The following HSD3B1 variants were observed in gnomAD, a reference collection of about 807,000 sequenced individuals.
The protein encoded by HSD3B1 is 3 beta-hydroxysteroid dehydrogenase/Delta 5-->4-isomerase type 1.
HSD3B1 carries 11 observed loss-of-function variants against 10.4 expected under a neutral mutation model. The ratio of observed to expected loss-of-function variants is 1.05; its 90% CI spans 0.66 to 1.75. HSD3B1 has a LOEUF of 1.75. HSD3B1 is among the 40% of genes most tolerant of loss of function. The pLI, the probability that HSD3B1 is intolerant of heterozygous loss-of-function variation, is 0.00. For synonymous variants in HSD3B1, 217 were observed against 185.4 expected, an observed-to-expected ratio of 1.17 and a Z score of -1.39; for missense variants, 490 against 454.5, an observed-to-expected ratio of 1.08 and a Z score of -0.71.
chr1:119,511,384 C>A (rs988963940), intron 2 of HSD3B1, 119 bp from the exon 3 acceptor site: 8 of 894,356 alleles, frequency 8.9e-6, no homozygotes, highest in Non-Finnish European at 1.4e-5. Context: ...GAATGTACAC[C>A]CTCCACTCTA....
At position 119,514,451 on chromosome 1, in the gene HSD3B1, A is replaced by C. The variant is rs746158285; in HGVS notation, c.928A>C (p.Thr310Pro). The C allele has an allele frequency of 1.2e-6, 2 of 1,613,924 alleles. No individual in the cohort carries two copies. Among genetic ancestry groups the C allele is most frequent in the South Asian group, 2.2e-5 (2 of 91,068 alleles). Residue 310 changes from threonine (T) to proline (P), a missense_variant, in exon 4 of 4, where the codon ACC becomes CCC. Physicochemically the swap from Thr to Pro is conservative, Grantham distance 38. Coordinates refer to ENST00000369413, the MANE Select transcript of HSD3B1 (RefSeq NM_000862.3). ...IVSFLLRPIY[T>P]YRPPFNRHIV... The stretch of plus-strand genomic sequence containing the variant: ...GAGCTTCCTACTCAGGCCAATTTAC[A>C]CCTATCGACCGCCCTTCAACCGCCA...
In HSD3B1 at chr1:119,514,304, C is replaced by A. The variant is rs1202798915; in HGVS notation, c.781C>A (p.Pro261Thr). The A allele has an allele frequency of 6.2e-7, 1 of 1,613,984 alleles. No individual in the cohort carries two copies. The highest frequency in any genetic ancestry group is 1.7e-5 in the Admixed American group (1 of 60,002). Residue 261 changes from proline (P) to threonine (T), a missense_variant, in exon 4 of 4, where the codon CCT becomes ACT. Physicochemically the swap from Pro to Thr is conservative, Grantham distance 38 (BLOSUM62 -1). Coordinates refer to ENST00000369413, the MANE Select transcript of HSD3B1 (RefSeq NM_000862.3). ...GTTCTACTATATCTCAGATGACACG[C>A]CTCACCAAAGCTATGATAACCTTAA... is the stretch of plus-strand genomic sequence containing the variant. ...GQFYYISDDT[P>T]HQSYDNLNYT...
chr1:119,514,945 C>T lies in HSD3B1; in HGVS notation c.*300C>T. The stretch of plus-strand genomic sequence containing the variant: ...TCTTTTAACTTGAGGGTCGTTTTGA[C>T]TACTAGAGCTCCATTTCTACTCTTA... On this transcript the variant is annotated 3_prime_UTR_variant, in exon 4 of 4. Transcript: ENST00000369413. 2.5e-6 allele frequency: 1 copy of T among 401,688 alleles called. No individual in the cohort carries two copies. Among genetic ancestry groups the T allele is most frequent in the African/African-American group, 2.0e-5 (1 of 49,584 alleles). 24.9% of individuals were successfully genotyped at this position (401,688 alleles called of 1,614,324 possible). A position where few individuals can be genotyped will look rare whatever the true frequency, so the allele number is the denominator to read the frequency against.
At chr1:119,508,699 A>C (rs758169140) in intron 2 of HSD3B1, among the ~76,000 whole-genome samples, 1 of 151,992 alleles carries the variant, frequency 6.6e-6, no homozygotes, top group African/African-American at 2.4e-5. Flanking sequence ...CTCCTCCCCA[A>C]CCCAGGGGAT....
chr1:119,511,905 G>A (rs1053630875), intron 3 of HSD3B1: 4 of 506,038 alleles, frequency 7.9e-6, no homozygotes, highest in South Asian at 6.5e-5. Context: ...TAAGCAGGTA[G>A]GAGAGTTAGA....
chr1:119,507,284 T>C, intron 1 of HSD3B1, 22 bp downstream of exon 1: 1 of 586,534 alleles, frequency 1.7e-6, no homozygotes, highest in South Asian at 2.0e-5. Flanking sequence ...TTCATTTTCT[T>C]TCAGCTACTC....
At chr1:119,512,902 G>T (rs1653977527) in intron 3 of HSD3B1, among the ~76,000 whole-genome samples, 1 of 152,134 alleles carries the variant, frequency 6.6e-6, no homozygotes, top group Admixed American at 6.5e-5. Flanking sequence ...CATTAAAAGG[G>T]CTAAGAATAC....
At chr1:119,508,156 G>A in intron 2 of HSD3B1, 1 of 153,908 alleles carries the variant, frequency 6.5e-6, no homozygotes, top group Non-Finnish European at 1.4e-5. Context: ...AAAACAATAA[G>A]GGGGAGAGAG....
rs34467785 is a variant in HSD3B1, at chr1:119,507,258, T to A, written c.-90T>A. The A allele has an allele frequency of 1.2e-3, 661 of 540,394 alleles. 1 individual carries two copies. Among genetic ancestry groups the A allele is most frequent in the Admixed American group, 3.8e-3 (121 of 32,096 alleles). 33.5% of individuals were successfully genotyped at this position (540,394 alleles called of 1,614,324 possible). ...TCTGTCCAGCTTTTAACAATCTAAC[T>A]AATGGTTAGAGATTTTTCATTTTCT... On this transcript the variant is annotated 5_prime_UTR_variant, in exon 1 of 4. Coordinates refer to ENST00000369413, the MANE Select transcript of HSD3B1 (RefSeq NM_000862.3).
intron 2 of HSD3B1, chr1:119,507,831 C>G: frequency 2.0e-6 from 1 of 510,406 alleles, no homozygotes; most frequent in Non-Finnish European, 3.5e-6. Flanking sequence ...TAGATTCTGG[C>G]CCTGACCCAG....
intron 2 of HSD3B1, among the ~76,000 whole-genome samples, chr1:119,511,269 A>G (rs1313897236): frequency 6.6e-6 from 1 of 152,214 alleles, no homozygotes; most frequent in Non-Finnish European, 1.5e-5. Flanking sequence ...CTCACTGCTC[A>G]GATTACTTTT....
chr1:119,513,746 G>C (rs1654012308), intron 3 of HSD3B1, 88 bp from the exon 4 acceptor site: 2 of 1,236,820 alleles, frequency 1.6e-6, no homozygotes. Context: ...ATATTTGGGA[G>C]TGGGGGGTGG....
At position 119,514,833 on chromosome 1, in the gene HSD3B1, G is replaced by A. The variant is rs1654063768; in HGVS notation, c.*188G>A. On this transcript the variant is annotated 3_prime_UTR_variant, in exon 4 of 4. Coordinates refer to ENST00000369413, the MANE Select transcript of HSD3B1 (RefSeq NM_000862.3). ...GCGCAGTCATTGGCCCAACAAGAAGGTTTCTGTCCTAATCATATACCAGAG... is the reference window on the plus strand; with the variant it reads ...GCGCAGTCATTGGCCCAACAAGAAGATTTCTGTCCTAATCATATACCAGAG... 3.0e-6 allele frequency: 2 copies of A among 664,684 alleles called. No homozygotes were observed. The highest frequency in any genetic ancestry group is 5.2e-6 in the Non-Finnish European group (2 of 381,134). 41.2% of individuals were successfully genotyped at this position (664,684 alleles called of 1,614,324 possible).
rs1222027954 is a variant in HSD3B1 at position 119,513,834 on chromosome 1, G to A, written c.311G>A (p.Gly104Asp). Residue 104 changes from glycine (G) to aspartate (D), a missense_variant and splice_region_variant, in exon 4 of 4, where the codon GGT becomes GAT. By Grantham distance (94) the Gly-to-Asp change is moderately conservative (BLOSUM62 -1). Transcript: ENST00000369413. ...GTGACAATATGCTCTTCATGGACAG[G>A]TACCCAGCTCCTGTTAGAGGCCTGT... ...RESIMNVNVK[G>D]TQLLLEACVQ... is the part of the protein sequence containing the mutation. 6.2e-7 allele frequency: 1 copy of A among 1,613,524 alleles called. No homozygotes were observed. Among genetic ancestry groups the A allele is most frequent in the South Asian group, 1.1e-5 (1 of 91,024 alleles).
At chr1:119,509,139 C>G (rs756709160) in intron 2 of HSD3B1, among the ~76,000 whole-genome samples, 1 of 151,982 alleles carries the variant, frequency 6.6e-6, no homozygotes, top group Non-Finnish European at 1.5e-5. Context: ...CCTATGAGAT[C>G]GGTAATATTA....
At chr1:119,507,657 C>G (rs1285121331) in intron 2 of HSD3B1, 36 bp downstream of exon 2, 2 of 1,607,938 alleles carry the variant, frequency 1.2e-6, no homozygotes, top group East Asian at 4.5e-5. Context: ...GTGGTTCCAT[C>G]TTAAACACTG....
chr1:119,510,320 A>T (rs144722273), intron 2 of HSD3B1, among the ~76,000 whole-genome samples: 88 of 152,266 alleles, frequency 5.8e-4, no homozygotes, highest in African/African-American at 2.1e-3. Context: ...GCTTTTGATG[A>T]TATCTGATAA....
chr1:119,510,717 C>CTTTT (rs962978657), intron 2 of HSD3B1, among the ~76,000 whole-genome samples: 2,221 of 54,152 alleles, frequency 0.041, 1,031 homozygotes, highest in Non-Finnish European at 0.06. Context: ...GTGTGGTTTT[C>CTTTT]TTTTTTTTTT....
intron 2 of HSD3B1, 53 bp from the exon 3 acceptor site, chr1:119,511,450 C>T: frequency 6.3e-7 from 1 of 1,590,672 alleles, no homozygotes; most frequent in Admixed American, 1.7e-5. Flanking sequence ...TATCAGAAAA[C>T]TTCTCAGCCA....
Sources: gnomAD v4.1 joint callset for allele counts (sites outside exome capture counted in the v4.1 genomes callset) on GRCh38, gnomAD v4.1.1 for gene constraint, MANE v1.5 for transcripts, NCBI Gene and HGNC (gene_info 2026-07-23, HGNC 2026-07-21) for gene names.